ANKRD28: variants seen among roughly 807,000 people sequenced by gnomAD.
ANKRD28 encodes the protein serine/threonine-protein phosphatase 6 regulatory ankyrin repeat subunit A.
Under a neutral mutation model 126.5 loss-of-function variants are expected in ANKRD28, and 44 were observed. The observed-to-expected ratio is 0.35, with a 90% CI of 0.27 to 0.45. The LOEUF is 0.45. Ranked by LOEUF, ANKRD28 falls within the 20% of genes least tolerant of loss-of-function variation. The pLI is 1.00. For synonymous variants in ANKRD28, 442 were observed against 468.5 expected, an observed-to-expected ratio of 0.94 and a Z score of 0.73; for missense variants, 1,110 against 1,316.6, an observed-to-expected ratio of 0.84 and a Z score of 2.43.
Position 15,707,969 on chromosome 3 carries a change from C to T in ANKRD28, c.1502G>A (p.Gly501Asp), listed in dbSNP as rs1334800951. The change falls in exon 14 of 28, where the codon GGC becomes GAC. Residue 501 changes from glycine to aspartate, a missense_variant. Transcript: ENST00000683139. ...GASVNDLDER[G>D]CTPLHYAATS... is the part of the protein sequence containing the mutation. ...AGCTGCATAGTGCAGGGGTGTGCAG[C>T]CTCTTTCATCAAGGTCATTCACACT... 5 of 1,612,976 alleles carry T rather than the reference C, an allele frequency of 3.1e-6. No individual in the cohort carries two copies. Among genetic ancestry groups the T allele is most frequent in the Non-Finnish European group, 4.2e-6 (5 of 1,179,482 alleles).
chr3:15,733,752 T>G (rs1258242806), intron 6 of ANKRD28, among the ~76,000 whole-genome samples: 1 of 152,318 alleles, frequency 6.6e-6, no homozygotes, highest in Admixed American at 6.5e-5. Flanking sequence ...ATCACAATCT[T>G]CAATTTAGTA....
At position 15,816,027 on chromosome 3, in the gene ANKRD28, T is replaced by C. The variant is rs927643168; in HGVS notation, c.28-20721A>G. The stretch of plus-strand genomic sequence containing the variant: ...AGGTTTTCATAATTATGTTTTAATC[T>C]TGTTATATTAATAGTCAAGCTCAAA... On this transcript the variant is annotated intron_variant, in intron 1 of 27. Coordinates refer to the ANKRD28 transcript ENST00000399451. This position sits in a 1 kb window ranked among gnomAD's most constrained non-coding sequence, Gnocchi z 5.0. Among the ~76,000 whole-genome samples the C allele has an allele frequency of 6.6e-6, 1 of 152,202 alleles. No individual in the cohort carries two copies.
At chr3:15,775,031 C>T (rs2059192319) in intron 2 of ANKRD28, among the ~76,000 whole-genome samples, 1 of 115,598 alleles carries the variant, frequency 8.7e-6, no homozygotes. Flanking sequence ...TGCCCACCAC[C>T]ACGCCTGGCT....
intron 21 of ANKRD28, among the ~76,000 whole-genome samples, chr3:15,681,905 C>G (rs963674003): frequency 1.3e-5 from 2 of 152,160 alleles, no homozygotes; most frequent in African/African-American, 4.8e-5. Context: ...CAACAATCAT[C>G]TGGCCCAAAA....
At chr3:15,856,176 G>T (rs2061761547) in intron 1 of ANKRD28, among the ~76,000 whole-genome samples, 1 of 151,490 alleles carries the variant, frequency 6.6e-6, no homozygotes, top group South Asian at 2.1e-4. Flanking sequence ...TAGCAATCTG[G>T]ATTTCTGGCT....
intron 27 of ANKRD28, among the ~76,000 whole-genome samples, chr3:15,671,016 A>AT (rs1191342410): frequency 6.6e-6 from 1 of 152,218 alleles, no homozygotes; most frequent in East Asian, 1.9e-4. Context: ...GAAATCTTAA[A>AT]TGTGTACAGC....
At chr3:15,757,852 C>T (rs1018514764) in intron 3 of ANKRD28, among the ~76,000 whole-genome samples, 10 of 152,184 alleles carry the variant, frequency 6.6e-5, no homozygotes, top group Non-Finnish European at 1.0e-4. Context: ...AAACTACTAT[C>T]CACAGGCTTC....
rs368625269 is a variant in ANKRD28, at chr3:15,679,558, C to T, written c.2395G>A (p.Glu799Lys). The change falls in exon 22 of 28, where the codon GAG becomes AAG. Residue 799 changes from glutamate (E) to lysine (K), a missense_variant. By Grantham distance (56) the Glu-to-Lys change is moderately conservative (BLOSUM62 1). Transcript: ENST00000683139. ...TCTAAAAGCAGTTCTACACATGTCT[C>T]GTGACCTAAATAGGTGTAAAGAACC... The part of the protein sequence containing the change: ...ALHWACYNGH[E>K]TCVELLLEQE... The T allele has an allele frequency of 5.0e-6, 8 of 1,610,070 alleles. No individual in the cohort carries two copies. Among genetic ancestry groups the T allele is most frequent in the African/African-American group, 1.3e-5 (1 of 74,862 alleles).
At position 15,713,398 on chromosome 3, in the gene ANKRD28, G is replaced by A; in HGVS notation, c.1190+129C>T. On this transcript the variant is annotated intron_variant, in intron 10 of 27. Transcript: ENST00000683139. ...AACCTACCACTTTGTCAATACAAAA[G>A]AAAGTTCAAGCAATTAATACAACAT... The A allele has an allele frequency of 4.5e-6, 3 of 665,092 alleles. No individual in the cohort carries two copies. In the South Asian group the frequency reaches 5.9e-5, roughly 13 times the overall value. The allele number at this position is 665,092 out of a possible 1,614,324, so 41.2% of individuals were successfully genotyped here.
intron 15 of ANKRD28, among the ~76,000 whole-genome samples, chr3:15,695,912 A>G (rs1404356342): frequency 6.6e-6 from 1 of 152,126 alleles, no homozygotes; most frequent in African/African-American, 2.4e-5. Flanking sequence ...AACATGGGGT[A>G]ATCAGTAGCC....
rs2060786951 is a variant in ANKRD28, at chr3:15,814,262, T to C, written c.28-18956A>G. 7.1e-6 allele frequency: 9 copies of C among 1,262,900 alleles called. No individual in the cohort carries two copies. Among genetic ancestry groups the C allele is most frequent in the Non-Finnish European group, 8.2e-6 (8 of 979,996 alleles). 78.2% of individuals were successfully genotyped at this position (1,262,900 alleles called of 1,614,324 possible). A position where few individuals can be genotyped will look rare whatever the true frequency, so the allele number is the denominator to read the frequency against. ...TACCATAATAGGAATTCCCATACTA[T>C]TTTCCTCTGGTGGAGGCAGTTGTAC... On this transcript the variant is annotated intron_variant, in intron 1 of 27. Transcript: ENST00000399451. The surrounding 1 kb of genome is among the most constrained non-coding windows in gnomAD (Gnocchi z 4.7).
intron 4 of ANKRD28, among the ~76,000 whole-genome samples, chr3:15,741,370 C>G (rs368711963): frequency 6.6e-6 from 1 of 152,140 alleles, no homozygotes; most frequent in South Asian, 2.1e-4. Flanking sequence ...AATTCTACAT[C>G]ATATTATCAG....
At chr3:15,791,259 A>G (rs2060009822) in intron 2 of ANKRD28, among the ~76,000 whole-genome samples, 1 of 152,168 alleles carries the variant, frequency 6.6e-6, no homozygotes, top group Non-Finnish European at 1.5e-5. Context: ...CAGGAATAGA[A>G]AAAATACTAA....
At chr3:15,737,751 C>T (rs1478410007) in intron 4 of ANKRD28, among the ~76,000 whole-genome samples, 1 of 151,950 alleles carries the variant, frequency 6.6e-6, no homozygotes, top group African/African-American at 2.4e-5. Context: ...CAAACATGAG[C>T]CAGTCATAGA....
chr3:15,811,704 T>C (rs1575751802), intron 1 of ANKRD28, among the ~76,000 whole-genome samples: 1 of 151,794 alleles, frequency 6.6e-6, no homozygotes, highest in East Asian at 2.0e-4. Flanking sequence ...CCGCCCACCT[T>C]GGCCTCCCAA....
At chr3:15,712,268 A>T in intron 10 of ANKRD28, 46 bp from the exon 11 acceptor site, 1 of 1,423,278 alleles carries the variant, frequency 7.0e-7, no homozygotes, top group Non-Finnish European at 9.7e-7. Flanking sequence ...AACACAAGAA[A>T]AATACAATCA....
chr3:15,731,877 G>T (rs1455841071), intron 6 of ANKRD28: 1 of 94,374 alleles, frequency 1.1e-5, no homozygotes, highest in Non-Finnish European at 2.0e-5. Flanking sequence ...AAAAAAAAGG[G>T]GGGGGGGGTG....
In ANKRD28 at chr3:15,714,601, C is replaced by T. The variant is rs1304141964; in HGVS notation, c.1052G>A (p.Arg351Gln). Reference sequence around the variant, plus strand: ...ACCACTCTGGATAATGGTTTGTGATCGGGAGAATCTACCGTGGAGAGCAGT... The same window carrying T: ...ACCACTCTGGATAATGGTTTGTGATTGGGAGAATCTACCGTGGAGAGCAGT... ...HMTALHGRFSRSQTIIQSGAV... is the reference protein window; with the variant it reads ...HMTALHGRFSQSQTIIQSGAV... Residue 351 changes from arginine (R) to glutamine (Q), a missense_variant, in exon 9 of 28, where the codon CGA (arginine) becomes CAA (glutamine). Physicochemically the swap from Arg to Gln is conservative, Grantham distance 43. Coordinates refer to ENST00000683139, the MANE Select transcript of ANKRD28 (RefSeq NM_001349278.2). 1.3e-6 allele frequency: 2 copies of T among 1,590,692 alleles called. No homozygotes were observed. The highest frequency in any genetic ancestry group is 1.7e-6 in the Non-Finnish European group (2 of 1,172,218).
At chr3:15,712,292 C>A in intron 10 of ANKRD28, 70 bp from the exon 11 acceptor site, 1 of 1,213,920 alleles carries the variant, frequency 8.2e-7, no homozygotes, top group Non-Finnish European at 1.2e-6. Flanking sequence ...AAATACATTA[C>A]AAAGAGACCA....
Sources: gnomAD v4.1 joint callset for allele counts (sites outside exome capture counted in the v4.1 genomes callset) on GRCh38, gnomAD v4.1.1 for gene constraint, Gnocchi (gnomAD v3.1) non-coding constraint, MANE v1.5 for transcripts, NCBI Gene and HGNC (gene_info 2026-07-23, HGNC 2026-07-21) for gene names.